NRROS: variants seen among roughly 807,000 people sequenced by gnomAD.
NRROS encodes transforming growth factor beta activator LRRC33.
Under a neutral mutation model 12.0 loss-of-function variants are expected in NRROS, and 6 were observed. That is an observed-to-expected ratio of 0.50 (90% CI 0.27 to 0.98). The LOEUF (loss-of-function observed/expected upper bound fraction) is 0.98, where lower values mean the gene tolerates loss of function less well. Among genes scored for constraint, NRROS ranks in the 50% least tolerant of loss-of-function variants. The pLI is 0.11. For missense variants in NRROS, 857 were observed against 888.2 expected, an observed-to-expected ratio of 0.96 and a Z score of 0.45; for synonymous variants, 462 against 410.2, an observed-to-expected ratio of 1.13 and a Z score of -1.53.
In NRROS at chr3:196,651,497, TGAC is replaced by T. The variant is rs533853929; in HGVS notation, c.-13-3029_-13-3027del. On this transcript the variant is annotated intron_variant, in intron 1 of 2. Coordinates refer to ENST00000328557, the MANE Select transcript of NRROS (RefSeq NM_198565.3). Reference sequence around the variant, plus strand: ...AGAGGAGAAGGTGGGCCAGGCACCATGACTCACGCCTGTAATCCCATCACTTTG... The same window carrying T: ...AGAGGAGAAGGTGGGCCAGGCACCATTCACGCCTGTAATCCCATCACTTTG... 4.5e-4 allele frequency among the ~76,000 whole-genome samples: 68 copies of T among 152,276 alleles called. No homozygotes were observed. In the East Asian group the frequency reaches 0.012, roughly 26 times the overall value.
intron 1 of NRROS, among the ~76,000 whole-genome samples, chr3:196,643,431 G>A (rs1737246312): frequency 6.6e-6 from 1 of 152,222 alleles, no homozygotes; most frequent in African/African-American, 2.4e-5. Flanking sequence ...ACAAAGCCTG[G>A]TGAGGTCACA....
At chr3:196,644,275 G>A (rs1577627764) in intron 1 of NRROS, among the ~76,000 whole-genome samples, 2 of 151,766 alleles carry the variant, frequency 1.3e-5, no homozygotes, top group African/African-American at 4.8e-5. Context: ...ATCAGGCACC[G>A]CATGGCACAG....
chr3:196,660,871 A>G lies in NRROS; in HGVS notation c.1228A>G (p.Ser410Gly). The G allele has an allele frequency of 6.2e-7, 1 of 1,613,984 alleles. No individual in the cohort carries two copies. The highest frequency in any genetic ancestry group is 1.1e-5 in the South Asian group (1 of 91,086). Residue 410 changes from serine to glycine, a missense_variant, in exon 3 of 3, where the codon AGC (serine) becomes GGC (glycine). By Grantham distance (56) the Ser-to-Gly change is moderately conservative. Transcript: ENST00000328557. The surrounding 1 kb of genome is among the most constrained non-coding windows in gnomAD (Gnocchi z 7.7). ...CLGSLRLFNL[S>G]SNQLLGVPPG... ...GGGCAGCCTGCGCTTGTTCAACCTG[A>G]GCTCCAACCAGCTCCTGGGCGTCCC... is the stretch of plus-strand genomic sequence containing the variant.
intron 1 of NRROS, among the ~76,000 whole-genome samples, chr3:196,650,823 C>A (rs1737410174): frequency 6.6e-6 from 1 of 152,200 alleles, no homozygotes; most frequent in Non-Finnish European, 1.5e-5. Flanking sequence ...AGACTCACAG[C>A]ATTCCATGAT....
intron 1 of NRROS, among the ~76,000 whole-genome samples, chr3:196,647,689 G>C (rs1299213257): frequency 2.0e-5 from 3 of 152,176 alleles, no homozygotes; most frequent in Non-Finnish European, 4.4e-5. Flanking sequence ...CTCCCGAGTA[G>C]CTGGAATTAC....
intron 1 of NRROS, among the ~76,000 whole-genome samples, chr3:196,640,595 C>T (rs1425796454): frequency 6.6e-6 from 1 of 151,976 alleles, no homozygotes; most frequent in Non-Finnish European, 1.5e-5. Context: ...GACGAAGACT[C>T]GGACGCTCTT....
At chr3:196,641,487 G>A (rs79710125) in intron 1 of NRROS, among the ~76,000 whole-genome samples, 6,231 of 152,264 alleles carry the variant, frequency 0.041, 159 homozygotes, top group Non-Finnish European at 0.056. Flanking sequence ...AGTGCTGGGA[G>A]TGTGGGCGTG....
intron 2 of NRROS, among the ~76,000 whole-genome samples, chr3:196,655,694 G>A (rs1737525809): frequency 6.6e-6 from 1 of 152,200 alleles, no homozygotes; most frequent in African/African-American, 2.4e-5. Flanking sequence ...AGGACTTGCT[G>A]CCATGCCACT....
At position 196,654,007 on chromosome 3, in the gene NRROS, A is replaced by G. The variant is rs2108640248; in HGVS notation, c.-13-520A>G. The stretch of plus-strand genomic sequence containing the variant: ...ATAGTCAAATGAGTGAACCAAAGAG[A>G]TCAACGCTTTTGTAACAGCCCCACA... On this transcript the variant is annotated intron_variant, in intron 1 of 2. Coordinates refer to ENST00000328557, the MANE Select transcript of NRROS (RefSeq NM_198565.3). The surrounding 1 kb of genome is among the most constrained non-coding windows in gnomAD (Gnocchi z 4.4). 6.6e-6 allele frequency among the ~76,000 whole-genome samples: 1 copy of G among 152,240 alleles called. No homozygotes were observed.
intron 1 of NRROS, among the ~76,000 whole-genome samples, chr3:196,641,817 C>T (rs1433291574): frequency 1.3e-5 from 2 of 152,082 alleles, no homozygotes; most frequent in African/African-American, 4.8e-5. Flanking sequence ...AATGACTGTC[C>T]CTCACATCAG....
At position 196,660,561 on chromosome 3, in the gene NRROS, G is replaced by T. The variant is rs1737648116; in HGVS notation, c.918G>T (p.Val306=). 1 of 1,614,126 alleles carries T rather than the reference G, an allele frequency of 6.2e-7. No individual in the cohort carries two copies. The highest frequency in any genetic ancestry group is 8.5e-7 in the Non-Finnish European group (1 of 1,180,016). The change falls in exon 3 of 3, where the codon GTG becomes GTT. Residue 306 remains valine (V), a synonymous_variant. Transcript: ENST00000328557. The surrounding 1 kb of genome is among the most constrained non-coding windows in gnomAD (Gnocchi z 7.7). ...PREMVAQFLL[V]DGNVTNITTV... ...AGATGGTGGCCCAGTTCCTCCTCGT[G>T]GACGGCAACGTGACCAACATCACCA...
At chr3:196,657,137 G>A (rs1348787989) in intron 2 of NRROS, among the ~76,000 whole-genome samples, 3 of 151,766 alleles carry the variant, frequency 2.0e-5, no homozygotes, top group East Asian at 1.9e-4. Context: ...CAGGGAGGCC[G>A]AGGTTGCAGT....
chr3:196,660,229 A>G lies in NRROS; in HGVS notation c.586A>G (p.Ile196Val). 1.2e-6 allele frequency: 2 copies of G among 1,613,634 alleles called. No individual in the cohort carries two copies. Among genetic ancestry groups the G allele is most frequent in the Non-Finnish European group, 1.7e-6 (2 of 1,180,032 alleles). The change falls in exon 3 of 3, where the codon ATC (isoleucine) becomes GTC (valine). Residue 196 changes from isoleucine to valine, a missense_variant. Ile to Val is a conservative substitution (Grantham distance 29). Coordinates refer to ENST00000328557, the MANE Select transcript of NRROS (RefSeq NM_198565.3). The surrounding 1 kb of genome is among the most constrained non-coding windows in gnomAD (Gnocchi z 7.7). ...LDLQRNYIFE[I>V]EGGAFDGLAE... ...TCTGCAGAGGAACTACATCTTCGAG[A>G]TCGAGGGCGGCGCTTTCGACGGCCT... is the stretch of plus-strand genomic sequence containing the variant.
chr3:196,643,446 C>T (rs1366858543), intron 1 of NRROS, among the ~76,000 whole-genome samples: 1 of 152,220 alleles, frequency 6.6e-6, no homozygotes, highest in East Asian at 1.9e-4. Flanking sequence ...GTCACAGGGA[C>T]TCCCCTCCTC....
chr3:196,661,754 C>G lies in NRROS; in HGVS notation c.*32C>G, dbSNP rs747721243. On this transcript the variant is annotated 3_prime_UTR_variant, in exon 3 of 3. Transcript: ENST00000328557. ...TGTGTGCCAAGACTCGAAATTCGGTCCGCACACAACAGGACACTTTCTCTG... is the reference window on the plus strand; with the variant it reads ...TGTGTGCCAAGACTCGAAATTCGGTGCGCACACAACAGGACACTTTCTCTG... The G allele has an allele frequency of 1.9e-6, 3 of 1,543,064 alleles. No homozygotes were observed. The highest frequency in any genetic ancestry group is 2.7e-5 in the African/African-American group (2 of 73,762).
intron 1 of NRROS, among the ~76,000 whole-genome samples, chr3:196,642,279 C>A (rs865929172): frequency 2.2e-5 from 3 of 138,288 alleles, no homozygotes; most frequent in Non-Finnish European, 4.7e-5. Flanking sequence ...CGTAAATATG[C>A]TTCGGCAAAA....
Position 196,654,815 on chromosome 3 carries a change from G to T in NRROS, c.108+168G>T. On this transcript the variant is annotated intron_variant, in intron 2 of 2. Coordinates refer to ENST00000328557, the MANE Select transcript of NRROS (RefSeq NM_198565.3). The surrounding 1 kb of genome is among the most constrained non-coding windows in gnomAD (Gnocchi z 4.4). ...ATGTGCAGCTGCCCTTTAACCACAG[G>T]ATTTTAAGATGCTTCCTGGGAAGAG... The T allele has an allele frequency of 5.2e-6, 3 of 578,634 alleles. No individual in the cohort carries two copies. The South Asian group carries it at 6.4e-5, about 12-fold the overall frequency. The allele number at this position is 578,634 out of a possible 1,614,324, so 35.8% of individuals were successfully genotyped here. A position where few individuals can be genotyped will look rare whatever the true frequency, so the allele number is the denominator to read the frequency against.
intron 1 of NRROS, among the ~76,000 whole-genome samples, chr3:196,653,018 G>A (rs1737459492): frequency 6.6e-6 from 1 of 152,208 alleles, no homozygotes; most frequent in African/African-American, 2.4e-5. Flanking sequence ...CTGCAACTAT[G>A]CAGCCTTATT....
At chr3:196,641,055 T>C (rs566834160) in intron 1 of NRROS, among the ~76,000 whole-genome samples, 92 of 151,922 alleles carry the variant, frequency 6.1e-4, no homozygotes, top group Non-Finnish European at 1.1e-3. Context: ...CCTCTTAGGT[T>C]TGTGTGTGTG....
Sources: allele counts gnomAD v4.1 joint callset (sites outside exome capture counted in the v4.1 genomes callset), GRCh38; gene constraint gnomAD v4.1.1; non-coding constraint Gnocchi (gnomAD v3.1); transcripts MANE v1.5; gene names NCBI Gene and HGNC (gene_info 2026-07-23, HGNC 2026-07-21).